Variants in ARHGAP35 observed in about 807,000 individuals in gnomAD.
ARHGAP35 encodes rho GTPase-activating protein 35.
ARHGAP35 carries 15 observed loss-of-function variants against 111.1 expected under a neutral mutation model. The observed-to-expected ratio is 0.13, with a 90% CI of 0.09 to 0.21. The LOEUF is 0.21. Ranked by LOEUF, ARHGAP35 falls within the 10% of genes least tolerant of loss-of-function variation. The probability of loss-of-function intolerance (pLI) is 1.00; values close to 1 mark genes in which losing one functional copy is unlikely to be tolerated. For synonymous variants in ARHGAP35, 643 were observed against 710.3 expected (o/e 0.91, Z 1.51); for missense variants, 1,262 against 1,873.0 (o/e 0.67, Z 6.02).
chr19:46,933,479 A>AT (rs2056285844), intron 2 of ARHGAP35, among the ~76,000 whole-genome samples: 1 of 151,982 alleles, frequency 6.6e-6, no homozygotes, highest in Non-Finnish European at 1.5e-5. Flanking sequence ...TCAGTCATCC[A>AT]TTTATTTATT....
Position 46,880,088 on chromosome 19 carries a change from AAAAT to A in ARHGAP35, c.-189+18908_-189+18911del, listed in dbSNP as rs112300759. ...GTGATGAGGCAAGACAATGTCTCAA[AAAAT>A]AAATAAATAAATAAATAAATAAATA... is the stretch of plus-strand genomic sequence containing the variant. On this transcript the variant is annotated intron_variant, in intron 1 of 6. Coordinates refer to ENST00000672722, the MANE Select transcript of ARHGAP35 (RefSeq NM_004491.5). Among the ~76,000 whole-genome samples, 915 of 151,692 alleles carry A rather than the reference AAAAT, an allele frequency of 6.0e-3. 6 individuals carry two copies. Among genetic ancestry groups the A allele is most frequent in the Middle Eastern group, 0.014 (4 of 294 alleles).
At chr19:46,930,126 G>A (rs997193727) in intron 2 of ARHGAP35, among the ~76,000 whole-genome samples, 5 of 152,060 alleles carry the variant, frequency 3.3e-5, no homozygotes, top group African/African-American at 1.2e-4. Context: ...CAATGCTTTG[G>A]GAGGCCGAGT....
At position 46,946,741 on chromosome 19, in the gene ARHGAP35, TTG is replaced by T. The variant is rs540357972; in HGVS notation, c.3826+9353_3826+9354del. On this transcript the variant is annotated intron_variant, in intron 3 of 6. Transcript: ENST00000672722. ...GTTTTGTTTTGTTTTTGTTTTTGTT[TTG>T]TGTGTGTGTGTGTGTGTGTTTGAGA... 957 of 149,064 alleles carry T rather than the reference TTG, an allele frequency of 6.4e-3. 5 individuals are homozygous for T. Among genetic ancestry groups the T allele is most frequent in the South Asian group, 0.02 (92 of 4,710 alleles). 9.2% of individuals were successfully genotyped at this position (149,064 alleles called of 1,614,324 possible). A position where few individuals can be genotyped will look rare whatever the true frequency, so the allele number is the denominator to read the frequency against.
At chr19:46,946,008 G>A (rs1055135508) in intron 3 of ARHGAP35, among the ~76,000 whole-genome samples, 2 of 152,188 alleles carry the variant, frequency 1.3e-5, no homozygotes, top group South Asian at 4.1e-4. Flanking sequence ...GGGGCAGAAG[G>A]CACCCATCTT....
At chr19:46,960,956 G>T (rs563421207) in intron 3 of ARHGAP35, among the ~76,000 whole-genome samples, 2 of 150,586 alleles carry the variant, frequency 1.3e-5, no homozygotes, top group South Asian at 2.1e-4. Flanking sequence ...GTGCAGTGGC[G>T]CAATCTCGGC....
intron 1 of ARHGAP35, among the ~76,000 whole-genome samples, chr19:46,909,103 C>A (rs1421323346): frequency 6.6e-6 from 1 of 152,014 alleles, no homozygotes; most frequent in African/African-American, 2.4e-5. Context: ...AGTTCAAGAC[C>A]ACCCTGGGTA....
intron 3 of ARHGAP35, among the ~76,000 whole-genome samples, chr19:46,940,402 C>T (rs1189941204): frequency 6.6e-6 from 1 of 151,346 alleles, no homozygotes; most frequent in Non-Finnish European, 1.5e-5. Flanking sequence ...GTGGCACGCA[C>T]CTGTAGTCCC....
intron 1 of ARHGAP35, among the ~76,000 whole-genome samples, chr19:46,864,543 G>T (rs781715527): frequency 1.3e-5 from 2 of 152,156 alleles, no homozygotes; most frequent in African/African-American, 2.4e-5. Flanking sequence ...ATTCTGTGTG[G>T]ACACATTTGA....
chr19:46,868,742 G>C (rs186738629), intron 1 of ARHGAP35, among the ~76,000 whole-genome samples: 22 of 152,014 alleles, frequency 1.4e-4, no homozygotes, highest in African/African-American at 4.3e-4. Flanking sequence ...AGCTACAAAT[G>C]GAGAGATTTT....
intron 1 of ARHGAP35, among the ~76,000 whole-genome samples, chr19:46,886,809 A>T (rs1209633075): frequency 1.3e-5 from 2 of 152,182 alleles, no homozygotes; most frequent in Non-Finnish European, 2.9e-5. Flanking sequence ...AAGAGGATGA[A>T]TCACTGTTTT....
At chr19:46,883,881 C>G (rs1180619752) in intron 1 of ARHGAP35, among the ~76,000 whole-genome samples, 1 of 151,776 alleles carries the variant, frequency 6.6e-6, no homozygotes, top group Non-Finnish European at 1.5e-5. Context: ...GTGGTGAAAC[C>G]CCATCTCTAC....
Position 46,988,125 on chromosome 19 carries a change from C to T in ARHGAP35, c.3904+59C>T, listed in dbSNP as rs2056660850. ...GAGCTGGTCAAGGCAGACACAGCTG[C>T]CTCGGTGAACTGTCTGTGGGGCTTC... On this transcript the variant is annotated intron_variant, in intron 4 of 6. Coordinates refer to ENST00000672722, the MANE Select transcript of ARHGAP35 (RefSeq NM_004491.5). The surrounding 1 kb of genome is among the most constrained non-coding windows in gnomAD (Gnocchi z 5.4). 6.6e-7 allele frequency: 1 copy of T among 1,516,866 alleles called. No individual in the cohort carries two copies. Among genetic ancestry groups the T allele is most frequent in the African/African-American group, 1.4e-5 (1 of 73,004 alleles). The allele number at this position is 1,516,866 out of a possible 1,614,324, so 94.0% of individuals were successfully genotyped here. A position where few individuals can be genotyped will look rare whatever the true frequency, so the allele number is the denominator to read the frequency against.
chr19:46,938,631 G>A (rs2056325273), intron 3 of ARHGAP35, among the ~76,000 whole-genome samples: 1 of 151,216 alleles, frequency 6.6e-6, no homozygotes, highest in South Asian at 2.1e-4. Context: ...GGGATTACAG[G>A]CATGAGTTAC....
chr19:46,905,284 T>G (rs2122173286), intron 1 of ARHGAP35, among the ~76,000 whole-genome samples: 1 of 152,234 alleles, frequency 6.6e-6, no homozygotes, highest in East Asian at 1.9e-4. Context: ...TCTCAGCACT[T>G]TGGGAGGCTG....
chr19:46,923,928 A>G (rs1208674522), intron 2 of ARHGAP35, among the ~76,000 whole-genome samples: 9 of 151,944 alleles, frequency 5.9e-5, no homozygotes, highest in Admixed American at 5.2e-4. Flanking sequence ...CTCAAAAAAA[A>G]AAAAGGAAAA....
At chr19:46,891,063 C>T (rs2056021225) in intron 1 of ARHGAP35, among the ~76,000 whole-genome samples, 1 of 152,108 alleles carries the variant, frequency 6.6e-6, no homozygotes, top group Admixed American at 6.5e-5. Flanking sequence ...ATCAAAATAC[C>T]AGAGTTCCAA....
intron 2 of ARHGAP35, among the ~76,000 whole-genome samples, chr19:46,932,175 A>G (rs1169638268): frequency 6.6e-6 from 1 of 152,170 alleles, no homozygotes; most frequent in Non-Finnish European, 1.5e-5. Context: ...CCAGCTACTC[A>G]GGAGGCTGAG....
Position 46,879,619 on chromosome 19 carries a change from A to T in ARHGAP35, c.-189+18410A>T, listed in dbSNP as rs367810595. Among the ~76,000 whole-genome samples, 155 of 16,756 alleles carry T rather than the reference A, an allele frequency of 9.3e-3. 4 individuals are homozygous for T. The highest frequency in any genetic ancestry group is 0.021 in the African/African-American group (139 of 6,768). The allele number at this position is 16,756 out of a possible 152,430, so 11.0% of individuals were successfully genotyped here. Reference sequence around the variant, plus strand: ...ATAAATAAATAAATAAATAAATAAAAATAAAAATACAAAAATTAGCCACGC... The same window carrying T: ...ATAAATAAATAAATAAATAAATAAATATAAAAATACAAAAATTAGCCACGC... On this transcript the variant is annotated intron_variant, in intron 1 of 6. Transcript: ENST00000672722.
chr19:46,924,816 G>A (rs1266776396), intron 2 of ARHGAP35, among the ~76,000 whole-genome samples: 2 of 152,170 alleles, frequency 1.3e-5, no homozygotes, highest in Non-Finnish European at 2.9e-5. Flanking sequence ...TTAGGAAGGT[G>A]GCATAATAGC....
Sources: gnomAD v4.1 joint callset for allele counts (sites outside exome capture counted in the v4.1 genomes callset) on GRCh38, gnomAD v4.1.1 for gene constraint, Gnocchi (gnomAD v3.1) non-coding constraint, MANE v1.5 for transcripts, NCBI Gene and HGNC (gene_info 2026-07-23, HGNC 2026-07-21) for gene names.